NUP153: variants seen among roughly 807,000 people sequenced by gnomAD.
NUP153 encodes nucleoporin 153.
In NUP153, 27 loss-of-function variants were observed where a neutral mutation model predicts 134.6. That is an observed-to-expected ratio of 0.20 (90% CI 0.15 to 0.28). NUP153 has a LOEUF of 0.28. Ranked by LOEUF, NUP153 falls within the 10% of genes least tolerant of loss-of-function variation. The pLI is 1.00. For synonymous variants in NUP153, 640 were observed against 623.5 expected (o/e 1.03, Z -0.40); for missense variants, 1,821 against 1,731.3 (o/e 1.05, Z -0.92).
chr6:17,658,803 C>T (rs977229320), intron 11 of NUP153, among the ~76,000 whole-genome samples: 3 of 152,198 alleles, frequency 2.0e-5, no homozygotes, highest in South Asian at 4.1e-4. Flanking sequence ...GGATTTTATA[C>T]GATAACCGGT....
Position 17,628,626 on chromosome 6 carries a change from A to G in NUP153, c.3544+29T>C. On this transcript the variant is annotated intron_variant, in intron 18 of 21. Coordinates refer to ENST00000262077, the MANE Select transcript of NUP153 (RefSeq NM_005124.4). The surrounding 1 kb of genome is among the most constrained non-coding windows in gnomAD (Gnocchi z 5.4). Reference sequence around the variant, plus strand: ...GACAACTTGTAAAAAAAAAAATAATAATAATAATAATAAAAAGTTAATACT... The same window carrying G: ...GACAACTTGTAAAAAAAAAAATAATGATAATAATAATAAAAAGTTAATACT... 1.7e-6 allele frequency: 2 copies of G among 1,202,266 alleles called. No individual in the cohort carries two copies. Among genetic ancestry groups the G allele is most frequent in the Non-Finnish European group, 2.1e-6 (2 of 950,798 alleles). The allele number at this position is 1,202,266 out of a possible 1,614,324, so 74.5% of individuals were successfully genotyped here.
At chr6:17,687,990 G>T (rs1262463863) in intron 2 of NUP153, among the ~76,000 whole-genome samples, 1 of 151,996 alleles carries the variant, frequency 6.6e-6, no homozygotes, top group Non-Finnish European at 1.5e-5. Context: ...GTGGTGGCAG[G>T]CGCCTGTAGT....
chr6:17,657,102 G>T (rs946108152), intron 11 of NUP153, among the ~76,000 whole-genome samples: 5 of 152,144 alleles, frequency 3.3e-5, no homozygotes, highest in African/African-American at 1.2e-4. Context: ...AAAAATAAAA[G>T]TTCTGAGATC....
intron 14 of NUP153, among the ~76,000 whole-genome samples, chr6:17,642,576 T>C (rs1765891710): frequency 6.6e-6 from 1 of 152,242 alleles, no homozygotes; most frequent in Non-Finnish European, 1.5e-5. Flanking sequence ...TGAAGTTGTA[T>C]ACTGCTAATG....
rs1278966761 is a variant in NUP153, at chr6:17,625,933, T to C, written c.3776A>G (p.Lys1259Arg). 1.1e-5 allele frequency: 18 copies of C among 1,614,192 alleles called. No individual in the cohort carries two copies. The highest frequency in any genetic ancestry group is 1.4e-5 in the Non-Finnish European group (16 of 1,180,028). The change falls in exon 19 of 22, where the codon AAA becomes AGA. Residue 1259 changes from lysine to arginine, a missense_variant. Physicochemically the swap from Lys to Arg is conservative, Grantham distance 26. Coordinates refer to ENST00000262077, the MANE Select transcript of NUP153 (RefSeq NM_005124.4). The surrounding 1 kb of genome is among the most constrained non-coding windows in gnomAD (Gnocchi z 4.7). ...SQSLLFSQDS[K>R]LATTSSTGTA... ...ACCTGTGCTGGATGTGGTTGCTAGT[T>C]TGCTATCTTGAGAAAATAGCAAAGA...
At chr6:17,642,810 A>C (rs1765901697) in intron 14 of NUP153, among the ~76,000 whole-genome samples, 1 of 152,252 alleles carries the variant, frequency 6.6e-6, no homozygotes, top group East Asian at 1.9e-4. Context: ...GATGAACAAA[A>C]ATAAACTGTG....
intron 1 of NUP153, among the ~76,000 whole-genome samples, chr6:17,689,206 A>G (rs1581768292): frequency 6.6e-6 from 1 of 151,766 alleles, no homozygotes; most frequent in South Asian, 2.1e-4. Flanking sequence ...ACCAACATGG[A>G]GAAACCCCAT....
chr6:17,700,440 C>T, intron 1 of NUP153, among the ~76,000 whole-genome samples: 1 of 152,218 alleles, frequency 6.6e-6, no homozygotes, highest in East Asian at 1.9e-4. Context: ...TTCCTAACAA[C>T]TATCCTATCA....
chr6:17,636,234 C>T (rs1439825379), intron 16 of NUP153, among the ~76,000 whole-genome samples: 4 of 151,348 alleles, frequency 2.6e-5, no homozygotes, highest in Non-Finnish European at 5.9e-5. Context: ...ACTTGAGAGG[C>T]TGAGGCACAA....
Position 17,625,874 on chromosome 6 carries a change from C to T in NUP153, c.3835G>A (p.Ala1279Thr). ...AVTPFVFGPG[A>T]SSNNTTTSGF... is the part of the protein sequence containing the mutation. The stretch of plus-strand genomic sequence containing the variant: ...GAGGTGGTAGTATTATTACTGCTGG[C>T]TCCTGGACCAAAGACAAATGGGGTG... Residue 1279 changes from alanine (A) to threonine (T), a missense_variant, in exon 19 of 22, where the codon GCC becomes ACC. Physicochemically the swap from Ala to Thr is moderately conservative, Grantham distance 58 (BLOSUM62 0). Coordinates refer to ENST00000262077, the MANE Select transcript of NUP153 (RefSeq NM_005124.4). The surrounding 1 kb of genome is among the most constrained non-coding windows in gnomAD (Gnocchi z 4.7). 3 of 1,614,210 alleles carry T rather than the reference C, an allele frequency of 1.9e-6. No individual in the cohort carries two copies. Among genetic ancestry groups the T allele is most frequent in the Non-Finnish European group, 2.5e-6 (3 of 1,180,044 alleles).
chr6:17,625,836 A>G lies in NUP153; in HGVS notation c.3873T>C (p.Phe1291=). The G allele has an allele frequency of 1.2e-6, 2 of 1,613,988 alleles. No homozygotes were observed. The highest frequency in any genetic ancestry group is 1.7e-6 in the Non-Finnish European group (2 of 1,179,878). Residue 1291 remains phenylalanine (F), a synonymous_variant, in exon 19 of 22, where the codon TTT becomes TTC. Coordinates refer to ENST00000262077, the MANE Select transcript of NUP153 (RefSeq NM_005124.4). This position sits in a 1 kb window ranked among gnomAD's most constrained non-coding sequence, Gnocchi z 4.7. ...CAGAGCTAGATGTGGTTGTGGCTCC[A>G]AAGCCGAAACCAGAGGTGGTAGTAT... ...SNNTTTSGFG[F]GATTTSSSAG...
At chr6:17,667,012 G>A (rs1046427131) in intron 8 of NUP153, among the ~76,000 whole-genome samples, 2 of 152,110 alleles carry the variant, frequency 1.3e-5, no homozygotes, top group African/African-American at 4.8e-5. Context: ...ACTGTATTCT[G>A]GCTTTTTATT....
At chr6:17,618,778 G>C (rs1321163329) in intron 20 of NUP153, among the ~76,000 whole-genome samples, 1 of 152,138 alleles carries the variant, frequency 6.6e-6, no homozygotes, top group African/African-American at 2.4e-5. Flanking sequence ...GTGTTAGCCA[G>C]GATGGTCTCG....
At chr6:17,655,213 A>G (rs981261070) in intron 11 of NUP153, among the ~76,000 whole-genome samples, 4 of 152,226 alleles carry the variant, frequency 2.6e-5, no homozygotes, top group Admixed American at 1.3e-4. Context: ...ATCCTTGCAC[A>G]TTTTAGAATC....
chr6:17,674,708 T>G (rs1768112878), intron 5 of NUP153, among the ~76,000 whole-genome samples, 197 bp downstream of exon 5: 1 of 152,056 alleles, frequency 6.6e-6, no homozygotes, highest in South Asian at 2.1e-4. Context: ...AGACGGAGGT[T>G]GCAGTGTGGT....
At chr6:17,633,643 C>A (rs1011824085) in intron 16 of NUP153, among the ~76,000 whole-genome samples, 2 of 152,148 alleles carry the variant, frequency 1.3e-5, no homozygotes, top group African/African-American at 4.8e-5. Flanking sequence ...ACAGAGGTGA[C>A]AAATCTTAAG....
chr6:17,683,527 A>T (rs1768739018), intron 2 of NUP153, among the ~76,000 whole-genome samples: 1 of 152,232 alleles, frequency 6.6e-6, no homozygotes, highest in South Asian at 2.1e-4. Flanking sequence ...TTTGTCCCCA[A>T]GCAAGAGGTC....
intron 11 of NUP153, among the ~76,000 whole-genome samples, chr6:17,657,570 C>A (rs1027439586): frequency 4.0e-5 from 6 of 151,660 alleles, no homozygotes; most frequent in Admixed American, 3.3e-4. Flanking sequence ...TCAAAAAAAA[C>A]AAAACAAAAC....
At chr6:17,674,317 G>GT (rs1303279777) in intron 5 of NUP153, among the ~76,000 whole-genome samples, 1 of 152,058 alleles carries the variant, frequency 6.6e-6, no homozygotes, top group East Asian at 1.9e-4. Context: ...TGTAGTATGT[G>GT]TAATTTATAC....
Sources: gnomAD v4.1 joint callset for allele counts (sites outside exome capture counted in the v4.1 genomes callset) on GRCh38, gnomAD v4.1.1 for gene constraint, Gnocchi (gnomAD v3.1) non-coding constraint, MANE v1.5 for transcripts, NCBI Gene and HGNC (gene_info 2026-07-23, HGNC 2026-07-21) for gene names.